BCAS4: variants seen among roughly 807,000 people sequenced by gnomAD.
BCAS4 encodes the protein breast carcinoma-amplified sequence 4.
Under a neutral mutation model 15.7 loss-of-function variants are expected in BCAS4, and 9 were observed. That is an observed-to-expected ratio of 0.57 (90% confidence interval 0.34 to 1.00). BCAS4 has a LOEUF of 1.00. BCAS4 is among the 50% of genes least tolerant of loss of function. The probability of loss-of-function intolerance (pLI) is 0.02; values close to 1 mark genes in which losing one functional copy is unlikely to be tolerated. For missense variants in BCAS4, 225 were observed against 239.1 expected, an observed-to-expected ratio of 0.94 and a Z score of 0.39; for synonymous variants, 101 against 99.5, an observed-to-expected ratio of 1.02 and a Z score of -0.09.
At position 50,869,059 on chromosome 20, in the gene BCAS4, C is replaced by T. The variant is rs554448741; in HGVS notation, c.400-7427C>T. Among the ~76,000 whole-genome samples the T allele has an allele frequency of 2.0e-5, 3 of 152,338 alleles. No individual in the cohort carries two copies. In the South Asian group the frequency reaches 6.2e-4, roughly 32 times the overall value. On this transcript the variant is annotated intron_variant, in intron 4 of 4. Transcript: ENST00000371608. The stretch of plus-strand genomic sequence containing the variant: ...TCTAGCCTCACTGCCATGCTCCAGG[C>T]AGGACTCAGCGAAGCTGATGGCGTT...
intron 1 of BCAS4, among the ~76,000 whole-genome samples, chr20:50,809,614 T>C (rs1427370311): frequency 6.6e-6 from 1 of 152,022 alleles, no homozygotes; most frequent in Non-Finnish European, 1.5e-5. Flanking sequence ...ATATGAATTT[T>C]AGGATTTTTT....
chr20:50,816,844 G>C (rs964631030), intron 1 of BCAS4, among the ~76,000 whole-genome samples: 3 of 114,780 alleles, frequency 2.6e-5, no homozygotes, highest in African/African-American at 1.0e-4. Flanking sequence ...TCGCTCTGTC[G>C]CCCAGGCTGG....
At chr20:50,856,227 G>A (rs887587880) in intron 4 of BCAS4, among the ~76,000 whole-genome samples, 2 of 152,240 alleles carry the variant, frequency 1.3e-5, no homozygotes, top group African/African-American at 2.4e-5. Context: ...TCTGGAAAAG[G>A]TGCAATCCCT....
chr20:50,807,448 C>G (rs1019415938), intron 1 of BCAS4, among the ~76,000 whole-genome samples: 1 of 152,204 alleles, frequency 6.6e-6, no homozygotes, highest in Non-Finnish European at 1.5e-5. Context: ...CCTGCCTCAG[C>G]CTTCCAAAGT....
chr20:50,840,779 G>T, intron 3 of BCAS4: 1 of 1,501,338 alleles, frequency 6.7e-7, no homozygotes, highest in Non-Finnish European at 9.3e-7. Context: ...AGCGAGGCAC[G>T]CGAGAACGAG....
At chr20:50,800,046 C>T (rs8124055) in intron 1 of BCAS4, among the ~76,000 whole-genome samples, 4,905 of 152,078 alleles carry the variant, frequency 0.032, 100 homozygotes, top group African/African-American at 0.048. Flanking sequence ...AGACCTATCT[C>T]AAAAAACAAA....
At chr20:50,825,922 GA>G (rs1400710868) in intron 2 of BCAS4, among the ~76,000 whole-genome samples, 8 of 151,878 alleles carry the variant, frequency 5.3e-5, no homozygotes, top group Non-Finnish European at 1.0e-4. Flanking sequence ...AAATAAGGGG[GA>G]AAAAAAGAGA....
intron 1 of BCAS4, among the ~76,000 whole-genome samples, chr20:50,804,973 A>T (rs1052446027): frequency 1.3e-5 from 2 of 152,018 alleles, no homozygotes; most frequent in Non-Finnish European, 2.9e-5. Context: ...CCTTCATTTC[A>T]TCGCTTTCAT....
chr20:50,810,560 T>C (rs1332316658), intron 1 of BCAS4, among the ~76,000 whole-genome samples: 1 of 151,292 alleles, frequency 6.6e-6, no homozygotes, highest in Admixed American at 6.6e-5. Context: ...GGAAACAAGT[T>C]GAGAAAAATA....
chr20:50,812,338 T>C (rs1181087431), intron 1 of BCAS4, among the ~76,000 whole-genome samples: 5 of 152,070 alleles, frequency 3.3e-5, no homozygotes, highest in East Asian at 3.9e-4. Context: ...TTTCACCGTG[T>C]TAGCCAGGAT....
chr20:50,866,222 C>T (rs879492080), intron 4 of BCAS4, among the ~76,000 whole-genome samples: 63 of 152,330 alleles, frequency 4.1e-4, no homozygotes, highest in African/African-American at 1.4e-4. Flanking sequence ...CAGCAGCCAC[C>T]GGCCGTGGTG....
intron 4 of BCAS4, 127 bp downstream of exon 4, chr20:50,842,027 CGG>C (rs1207501755): frequency 8.2e-7 from 1 of 1,216,072 alleles, no homozygotes; most frequent in African/African-American, 1.6e-5. Flanking sequence ...AGACAGGAAA[CGG>C]GTACAGGCGG....
At chr20:50,803,562 G>A (rs1404955096) in intron 1 of BCAS4, among the ~76,000 whole-genome samples, 1 of 152,062 alleles carries the variant, frequency 6.6e-6, no homozygotes, top group East Asian at 1.9e-4. Flanking sequence ...ACTAGCTGGG[G>A]TCAGATGCAG....
At chr20:50,881,844 A>G (rs1980121948), downstream of BCAS4, 1 of 152,082 alleles carries the variant, frequency 6.6e-6, no homozygotes, top group African/African-American at 2.4e-5. Context: ...TGTTTTTAGT[A>G]AAGATGGGGT....
chr20:50,853,139 ATTT>A (rs35651267), intron 4 of BCAS4, among the ~76,000 whole-genome samples: 343 of 106,844 alleles, frequency 3.2e-3, no homozygotes, highest in African/African-American at 0.013. Flanking sequence ...ATCCCCTTTC[ATTT>A]TTTTTTTTTT....
chr20:50,837,256 A>G (rs2088420850), intron 3 of BCAS4, among the ~76,000 whole-genome samples: 1 of 152,102 alleles, frequency 6.6e-6, no homozygotes. Context: ...ACCTTTCTGG[A>G]CAGGACCCAT....
intron 1 of BCAS4, among the ~76,000 whole-genome samples, chr20:50,809,246 G>A (rs1372281219): frequency 6.7e-6 from 1 of 150,236 alleles, no homozygotes; most frequent in Non-Finnish European, 1.5e-5. Context: ...TTTCACTCTT[G>A]TTGCTCAGGC....
At position 50,795,150 on chromosome 20, in the gene BCAS4, C is replaced by T. The variant is rs1381202169; in HGVS notation, c.67C>T (p.Leu23=). 4.8e-6 allele frequency: 7 copies of T among 1,468,244 alleles called. No individual in the cohort carries two copies. The highest frequency in any genetic ancestry group is 1.8e-4 in the Middle Eastern group (1 of 5,506). The allele number at this position is 1,468,244 out of a possible 1,614,324, so 91.0% of individuals were successfully genotyped here. A position where few individuals can be genotyped will look rare whatever the true frequency, so the allele number is the denominator to read the frequency against. Residue 23 remains leucine (L), a synonymous_variant, in exon 1 of 5, where the codon CTG becomes TTG. Coordinates refer to ENST00000371608, the MANE Select transcript of BCAS4 (RefSeq NM_198799.4). ...CGGGGCGCGCGAGCTCGCGCTCTTCCTGACCCCCGAGCCTGGGGCCGAGGT... is the reference window on the plus strand; with the variant it reads ...CGGGGCGCGCGAGCTCGCGCTCTTCTTGACCCCCGAGCCTGGGGCCGAGGT... ...RSGARELALF[L]TPEPGAEAKE...
intron 1 of BCAS4, among the ~76,000 whole-genome samples, chr20:50,803,131 A>C (rs997416236): frequency 1.3e-5 from 2 of 152,212 alleles, no homozygotes; most frequent in African/African-American, 2.4e-5. Context: ...CAGTGAGCCA[A>C]GATCGCGCCA....
Sources: gnomAD v4.1 joint callset for allele counts (sites outside exome capture counted in the v4.1 genomes callset) on GRCh38, gnomAD v4.1.1 for gene constraint, MANE v1.5 for transcripts, NCBI Gene and HGNC (gene_info 2026-07-23, HGNC 2026-07-21) for gene names.